The following USP34 variants were observed in gnomAD, a reference collection of about 807,000 sequenced individuals.
The protein encoded by USP34 is ubiquitin carboxyl-terminal hydrolase 34.
Under a neutral mutation model 460.3 loss-of-function variants are expected in USP34, and 70 were observed. That is an observed-to-expected ratio of 0.15 (90% CI 0.13 to 0.19). The LOEUF (loss-of-function observed/expected upper bound fraction) is 0.19, where lower values mean the gene tolerates loss of function less well. Ranked by LOEUF, USP34 falls within the 10% of genes least tolerant of loss-of-function variation. The probability of loss-of-function intolerance (pLI) is 1.00; values close to 1 mark genes in which losing one functional copy is unlikely to be tolerated. For synonymous variants in USP34, 1,647 were observed against 1,405.3 expected, an observed-to-expected ratio of 1.17 and a Z score of -3.85; for missense variants, 3,985 against 4,236.2, an observed-to-expected ratio of 0.94 and a Z score of 1.65.
chr2:61,411,034 G>A (rs1392222176), intron 2 of USP34, among the ~76,000 whole-genome samples: 1 of 152,022 alleles, frequency 6.6e-6, no homozygotes, highest in African/African-American at 2.4e-5. Flanking sequence ...ATGAAAACAA[G>A]TTTTTTCTAT....
intron 27 of USP34, among the ~76,000 whole-genome samples, chr2:61,302,079 C>T (rs1185563992): frequency 6.6e-6 from 1 of 152,000 alleles, no homozygotes; most frequent in Admixed American, 6.6e-5. Context: ...GCATGCCAGG[C>T]ACTAAAATGG....
chr2:61,411,883 A>C (rs1453470348), intron 2 of USP34, among the ~76,000 whole-genome samples: 1 of 152,140 alleles, frequency 6.6e-6, no homozygotes, highest in Non-Finnish European at 1.5e-5. Flanking sequence ...TGGATCATTG[A>C]AGGCAGATAA....
At chr2:61,288,559 G>C in intron 34 of USP34, 118 bp downstream of exon 34, 1 of 1,026,674 alleles carries the variant, frequency 9.7e-7, no homozygotes. Context: ...AATGCCGTCA[G>C]TTCAGCTGTC....
chr2:61,461,134 T>C (rs1049091059), intron 1 of USP34, among the ~76,000 whole-genome samples: 2 of 152,058 alleles, frequency 1.3e-5, no homozygotes, highest in African/African-American at 4.8e-5. Context: ...CTCACAACTG[T>C]AATCTCAGCA....
At chr2:61,437,590 G>A (rs1573040987) in intron 1 of USP34, among the ~76,000 whole-genome samples, 1 of 151,862 alleles carries the variant, frequency 6.6e-6, no homozygotes, top group African/African-American at 2.4e-5. Flanking sequence ...TGGCCAATAT[G>A]GTGAAACCCC....
chr2:61,298,788 A>T (rs1690127679), intron 29 of USP34, among the ~76,000 whole-genome samples: 3 of 151,966 alleles, frequency 2.0e-5, no homozygotes, highest in African/African-American at 7.3e-5. Context: ...TTAAAAAAAA[A>T]AAATCATTTA....
intron 58 of USP34, among the ~76,000 whole-genome samples, chr2:61,230,069 G>A (rs1687847460): frequency 6.6e-6 from 1 of 151,878 alleles, no homozygotes; most frequent in African/African-American, 2.4e-5. Flanking sequence ...TGAAAAAAAT[G>A]TGTAACCATT....
intron 27 of USP34, among the ~76,000 whole-genome samples, chr2:61,306,253 G>T: frequency 6.6e-6 from 1 of 152,180 alleles, no homozygotes; most frequent in East Asian, 1.9e-4. Context: ...TGTATAAGGT[G>T]TAAGGAAGGG....
In USP34 at chr2:61,331,288, T is replaced by C. The variant is rs932874744; in HGVS notation, c.2918A>G (p.Gln973Arg). ...YYIQTVREGR[Q>R]KHALYSHSAE... The stretch of plus-strand genomic sequence containing the variant: ...GAGAGGTACTTACAGTGCATGTTTT[T>C]GTCTTCCTTCTCTCACAGTTTGAAT... The change falls in exon 20 of 80, where the codon CAA (glutamine) becomes CGA (arginine). Residue 973 changes from glutamine (Q) to arginine (R), a missense_variant. This residue lies in a region of USP34 where 1,114 missense variants were observed against 1,122.5 expected (regional missense o/e 0.99). Coordinates refer to ENST00000398571, the MANE Select transcript of USP34 (RefSeq NM_014709.4). 26 of 1,612,210 alleles carry C rather than the reference T, an allele frequency of 1.6e-5. No individual in the cohort carries two copies. Among genetic ancestry groups the C allele is most frequent in the African/African-American group, 2.7e-5 (2 of 74,882 alleles).
rs758911227 is a variant in USP34 at position 61,380,369 on chromosome 2, G to A, written c.822-8C>T. The A allele has an allele frequency of 2.5e-6, 4 of 1,590,440 alleles. No homozygotes were observed. Among genetic ancestry groups the A allele is most frequent in the African/African-American group, 2.7e-5 (2 of 73,942 alleles). ...GAGAGCTTGCATAAATACCTGAAAT[G>A]ATTCAGAAATAGAAAATACACAAAA... On this transcript the variant is annotated splice_polypyrimidine_tract_variant and splice_region_variant and intron_variant, in intron 6 of 79. Transcript: ENST00000398571.
chr2:61,256,575 A>G (rs1288250553), intron 47 of USP34, 97 bp from the exon 48 acceptor site: 11 of 948,404 alleles, frequency 1.2e-5, no homozygotes, highest in Admixed American at 3.8e-5. Flanking sequence ...ATGCTCAGCA[A>G]AAAAATTTTT....
chr2:61,230,864 C>T (rs577968479), intron 58 of USP34, among the ~76,000 whole-genome samples: 6 of 139,498 alleles, frequency 4.3e-5, no homozygotes, highest in African/African-American at 1.6e-4. Context: ...AAAAACAAAA[C>T]ACAAAAACAA....
chr2:61,315,023 T>C (rs759261150), intron 23 of USP34, 49 bp from the exon 24 acceptor site: 4 of 1,441,232 alleles, frequency 2.8e-6, no homozygotes. Context: ...TCAAACTATG[T>C]AACTCATTAA....
intron 23 of USP34, among the ~76,000 whole-genome samples, chr2:61,316,232 C>T (rs1295842517): frequency 1.3e-5 from 2 of 151,546 alleles, no homozygotes; most frequent in East Asian, 3.9e-4. Context: ...CTGAAAAAAC[C>T]TATTCAGACA....
At chr2:61,322,794 A>T (rs1174083443) in intron 21 of USP34, among the ~76,000 whole-genome samples, 2 of 152,244 alleles carry the variant, frequency 1.3e-5, no homozygotes, top group Non-Finnish European at 2.9e-5. Flanking sequence ...AGAAGCAAAT[A>T]TAAATAAACC....
intron 41 of USP34, among the ~76,000 whole-genome samples, chr2:61,277,518 C>T (rs1020280131): frequency 3.3e-5 from 5 of 152,232 alleles, no homozygotes; most frequent in Middle Eastern, 3.4e-3. Flanking sequence ...ACTATAGGCA[C>T]GAGCCACCGT....
At chr2:61,411,395 G>GA (rs1266431292) in intron 2 of USP34, among the ~76,000 whole-genome samples, 3 of 142,008 alleles carry the variant, frequency 2.1e-5, no homozygotes, top group East Asian at 4.1e-4. Context: ...AAAAAAAAAA[G>GA]AAAAAAAAAC....
At chr2:61,221,452 A>C in intron 66 of USP34, 50 bp downstream of exon 66, 3 of 1,513,480 alleles carry the variant, frequency 2.0e-6, no homozygotes, top group Non-Finnish European at 2.7e-6. Context: ...TATTATAAAA[A>C]TAAAATCCTC....
intron 48 of USP34, among the ~76,000 whole-genome samples, chr2:61,249,299 TACTGCGAAGGTA>T (rs1222965473): frequency 6.6e-6 from 1 of 152,178 alleles, no homozygotes; most frequent in Non-Finnish European, 1.5e-5. Context: ...AACAGTACAA[TACTGCGAAGGTA>T]ACCAAAAGGG....
Sources: allele counts gnomAD v4.1 joint callset (sites outside exome capture counted in the v4.1 genomes callset), GRCh38; gene constraint gnomAD v4.1.1; regional missense constraint gnomAD v4.1.1; transcripts MANE v1.5; gene names NCBI Gene and HGNC (gene_info 2026-07-23, HGNC 2026-07-21).